The following REDIC1 variants were observed in gnomAD, a reference collection of about 807,000 sequenced individuals.
REDIC1 encodes HEI10 Interacting Protein 1.
chr12:39,803,416 T>C, the REDIC1 span, among the ~76,000 whole-genome samples: 1 of 152,020 alleles, frequency 6.6e-6, no homozygotes, highest in Non-Finnish European at 1.5e-5. Flanking sequence ...CTTTAGACCA[T>C]AAAACTATCA....
At chr12:39,730,882 A>C in the REDIC1 span, among the ~76,000 whole-genome samples, 1 of 151,990 alleles carries the variant, frequency 6.6e-6, no homozygotes, top group African/African-American at 2.4e-5. Context: ...TCTTGTCTTC[A>C]TGCTTTATTT....
At chr12:39,898,282 G>A in the REDIC1 span, among the ~76,000 whole-genome samples, 9 of 152,150 alleles carry the variant, frequency 5.9e-5, no homozygotes, top group South Asian at 8.3e-4. Context: ...AAACTCTTTC[G>A]AAAATATAAG....
chr12:39,699,865 G>A, the REDIC1 span, among the ~76,000 whole-genome samples: 2 of 152,156 alleles, frequency 1.3e-5, no homozygotes, highest in Non-Finnish European at 2.9e-5. Flanking sequence ...TATGCCAACA[G>A]ATCCGCAGCT....
chr12:39,728,343 T>C, the REDIC1 span, among the ~76,000 whole-genome samples: 26 of 152,338 alleles, frequency 1.7e-4, no homozygotes, highest in South Asian at 5.2e-3. Flanking sequence ...TTGAGAGTTT[T>C]TAGCATGAAG....
At chr12:39,804,278 A>T in the REDIC1 span, among the ~76,000 whole-genome samples, 36 of 152,224 alleles carry the variant, frequency 2.4e-4, no homozygotes, top group Non-Finnish European at 4.1e-4. Flanking sequence ...AAAAGTAGTT[A>T]TCAAGGATAA....
At chr12:39,711,354 T>C in the REDIC1 span, among the ~76,000 whole-genome samples, 4 of 147,242 alleles carry the variant, frequency 2.7e-5, no homozygotes, top group African/African-American at 7.4e-5. Flanking sequence ...TCTATATGTA[T>C]ATATACATAT....
the REDIC1 span, among the ~76,000 whole-genome samples, chr12:39,796,624 T>A: frequency 6.6e-6 from 1 of 152,058 alleles, no homozygotes; most frequent in Non-Finnish European, 1.5e-5. Context: ...TAGTCACTAC[T>A]GAAAAAGGAG....
At chr12:39,691,834 C>G in the REDIC1 span, among the ~76,000 whole-genome samples, 1 of 152,004 alleles carries the variant, frequency 6.6e-6, no homozygotes, top group African/African-American at 2.4e-5. Context: ...TGGCAAGTGT[C>G]TATTCTGTTG....
At chr12:39,652,051 T>C in the REDIC1 span, among the ~76,000 whole-genome samples, 2 of 152,190 alleles carry the variant, frequency 1.3e-5, 1 homozygote, top group Admixed American at 1.3e-4. Context: ...TTGAAATTCA[T>C]CTATGTTGGT....
chr12:39,861,095 G>A, the REDIC1 span, among the ~76,000 whole-genome samples: 8 of 152,228 alleles, frequency 5.3e-5, no homozygotes, highest in African/African-American at 7.2e-5. Flanking sequence ...TTACTGCCTT[G>A]CAGGATCTTT....
chr12:39,649,203 T>G, the REDIC1 span, among the ~76,000 whole-genome samples: 120,564 of 151,744 alleles, frequency 0.79, 48,593 homozygotes, highest in Non-Finnish European at 0.87. Context: ...GACTGAAAAA[T>G]AGATAATGTC....
At chr12:39,841,639 CTT>C in the REDIC1 span, among the ~76,000 whole-genome samples, 1 of 151,876 alleles carries the variant, frequency 6.6e-6, no homozygotes, top group African/African-American at 2.4e-5. Context: ...CTTTTTCAGT[CTT>C]GATACTTTTC....
the REDIC1 span, among the ~76,000 whole-genome samples, chr12:39,680,766 A>ACG: frequency 6.5e-4 from 42 of 64,130 alleles, no homozygotes; most frequent in Middle Eastern, 8.3e-3. Context: ...GAAAATACAT[A>ACG]CGCACACACA....
chr12:39,731,677 C>T, the REDIC1 span, among the ~76,000 whole-genome samples: 1 of 152,172 alleles, frequency 6.6e-6, no homozygotes, highest in Non-Finnish European at 1.5e-5. Flanking sequence ...AGCTCAAACG[C>T]TGTGCTGGGG....
the REDIC1 span, among the ~76,000 whole-genome samples, chr12:39,777,341 A>G: frequency 2.0e-5 from 3 of 152,196 alleles, no homozygotes; most frequent in Non-Finnish European, 4.4e-5. Context: ...GATAAATAAA[A>G]TGAGTTTATT....
At chr12:39,697,541 ACT>A in the REDIC1 span, among the ~76,000 whole-genome samples, 1 of 152,236 alleles carries the variant, frequency 6.6e-6, no homozygotes, top group East Asian at 1.9e-4. Context: ...AAAAATAATA[ACT>A]ATATCAGCTT....
chr12:39,653,492 GTCTTCTTCTTCTTCTTCTTCT>G, the REDIC1 span, among the ~76,000 whole-genome samples: 1 of 54,288 alleles, frequency 1.8e-5, no homozygotes, highest in South Asian at 6.3e-4. Context: ...CAATCTGGAT[GTCTTCTTCTTCTTCTTCTTCT>G]TCTTCTTCTT....
the REDIC1 span, among the ~76,000 whole-genome samples, chr12:39,670,092 C>A: frequency 6.6e-6 from 1 of 152,158 alleles, no homozygotes; most frequent in Non-Finnish European, 1.5e-5. Flanking sequence ...GTGAGATGAA[C>A]CCGGTACCTC....
At chr12:39,761,772 G>A in the REDIC1 span, among the ~76,000 whole-genome samples, 38 of 152,130 alleles carry the variant, frequency 2.5e-4, no homozygotes, top group African/African-American at 8.7e-4. Context: ...GAAAAAATAA[G>A]TACAGATGGT....
Sources: allele counts gnomAD v4.1 joint callset (sites outside exome capture counted in the v4.1 genomes callset), GRCh38; gene constraint gnomAD v4.1.1; transcripts MANE v1.5; gene names NCBI Gene and HGNC (gene_info 2026-07-23, HGNC 2026-07-21).